The following ACMSD variants were observed in gnomAD, a reference collection of about 807,000 sequenced individuals.
The protein encoded by ACMSD is 2-amino-3-carboxymuconate-6-semialdehyde decarboxylase.
In ACMSD, 37 loss-of-function variants were observed where a neutral mutation model predicts 45.9. The observed-to-expected ratio is 0.81, with a 90% CI of 0.62 to 1.06. ACMSD has a LOEUF of 1.06. ACMSD is among the 50% of genes least tolerant of loss of function. The pLI, the probability that ACMSD is intolerant of heterozygous loss-of-function variation, is 0.00. For missense variants in ACMSD, 434 were observed against 420.9 expected (o/e 1.03, Z -0.27); for synonymous variants, 138 against 148.8 (o/e 0.93, Z 0.53).
intron 2 of ACMSD, among the ~76,000 whole-genome samples, chr2:134,854,811 AT>A (rs201662122): frequency 0.22 from 33,979 of 152,066 alleles, 3,972 homozygotes; most frequent in South Asian, 0.37. Context: ...AATGATCCAC[AT>A]TTTACAGACA....
intron 8 of ACMSD, chr2:134,873,147 G>A (rs1324579124): frequency 6.2e-6 from 1 of 161,488 alleles, no homozygotes; most frequent in Non-Finnish European, 1.4e-5. Context: ...CAGGGAGTCA[G>A]GGGAAGATGA....
At position 134,879,800 on chromosome 2, in the gene ACMSD, T is replaced by A. The variant is rs150828597; in HGVS notation, c.849+7159T>A. On this transcript the variant is annotated intron_variant, in intron 8 of 9. Coordinates refer to ENST00000356140, the MANE Select transcript of ACMSD (RefSeq NM_138326.3). ...CTAACACTAGTCCATTAATTCTGTG[T>A]TCTTAAAGAAATATCTTCAGGAGCC... Among the ~76,000 whole-genome samples the A allele has an allele frequency of 3.2e-4, 48 of 152,330 alleles. No homozygotes were observed. In the East Asian group the frequency reaches 9.1e-3, roughly 29 times the overall value.
chr2:134,864,131 C>T (rs1024783689), intron 5 of ACMSD, among the ~76,000 whole-genome samples: 1 of 151,740 alleles, frequency 6.6e-6, no homozygotes, highest in Non-Finnish European at 1.5e-5. Flanking sequence ...ATTAGCCAGG[C>T]GTAGTGCCAC....
intron 2 of ACMSD, among the ~76,000 whole-genome samples, chr2:134,849,057 G>A (rs1037283905): frequency 1.3e-5 from 2 of 152,068 alleles, no homozygotes; most frequent in Non-Finnish European, 2.9e-5. Context: ...TGGAGCTGAC[G>A]GCAAAGCAGC....
chr2:134,870,021 G>T (rs1688347167), intron 6 of ACMSD, among the ~76,000 whole-genome samples: 1 of 152,236 alleles, frequency 6.6e-6, no homozygotes, highest in South Asian at 2.1e-4. Flanking sequence ...CCAGGCAGCT[G>T]GGTGCCAGGG....
intron 2 of ACMSD, among the ~76,000 whole-genome samples, chr2:134,849,662 A>G (rs754541389): frequency 6.6e-5 from 10 of 152,166 alleles, no homozygotes; most frequent in Non-Finnish European, 8.8e-5. Flanking sequence ...TTGGTTTTTC[A>G]GTGTTCCCCA....
intron 8 of ACMSD, among the ~76,000 whole-genome samples, chr2:134,885,237 T>C (rs1164788828): frequency 2.5e-5 from 3 of 119,842 alleles, no homozygotes; most frequent in African/African-American, 1.0e-4. Flanking sequence ...AATACATATG[T>C]AAATATATAT....
intron 1 of ACMSD, 52 bp downstream of exon 1, chr2:134,838,791 C>T: frequency 7.2e-7 from 1 of 1,387,634 alleles, no homozygotes; most frequent in African/African-American, 1.4e-5. Context: ...CAGGGTTTCT[C>T]AATGCCTTTC....
chr2:134,853,348 G>A (rs1453379683), intron 2 of ACMSD, among the ~76,000 whole-genome samples: 5 of 151,884 alleles, frequency 3.3e-5, no homozygotes, highest in Non-Finnish European at 4.4e-5. Flanking sequence ...ATGAAGTTCT[G>A]GCTTTAAAAA....
chr2:134,893,010 T>G (rs116452514), intron 8 of ACMSD, among the ~76,000 whole-genome samples: 226 of 152,238 alleles, frequency 1.5e-3, no homozygotes, highest in African/African-American at 5.0e-3. Flanking sequence ...AGTAAGTAGT[T>G]AACACTTAGA....
chr2:134,887,509 T>C (rs909969897), intron 8 of ACMSD, among the ~76,000 whole-genome samples: 4 of 152,200 alleles, frequency 2.6e-5, no homozygotes, highest in Non-Finnish European at 4.4e-5. Flanking sequence ...GTTCAAGTGA[T>C]TCTCCTGCCT....
chr2:134,873,711 T>C (rs1391893426), intron 8 of ACMSD: 1 of 152,222 alleles, frequency 6.6e-6, no homozygotes, highest in Non-Finnish European at 1.5e-5. Flanking sequence ...TAATCAATTA[T>C]GTGGTTGAGC....
rs1359355515 is a variant in ACMSD at position 134,840,184 on chromosome 2, AAAAAAAAAAC to A, written c.57+1446_57+1455del. Among the ~76,000 whole-genome samples, 496 of 143,810 alleles carry A rather than the reference AAAAAAAAAAC, an allele frequency of 3.4e-3. 37 individuals carry two copies. The highest frequency in any genetic ancestry group is 0.012 in the African/African-American group (452 of 37,758). The allele number at this position is 143,810 out of a possible 152,430, so 94.3% of individuals were successfully genotyped here. Reference sequence around the variant, plus strand: ...ATACCTAGCAAAAAAAAAAAAAAAAAAAAAAAAAACCACTAATTCCTCTGTTACAGCTTTT... The same window carrying A: ...ATACCTAGCAAAAAAAAAAAAAAAAACACTAATTCCTCTGTTACAGCTTTT... On this transcript the variant is annotated intron_variant, in intron 1 of 9. Coordinates refer to ENST00000356140, the MANE Select transcript of ACMSD (RefSeq NM_138326.3).
chr2:134,895,677 A>G (rs1264655662), intron 8 of ACMSD, among the ~76,000 whole-genome samples: 1 of 152,206 alleles, frequency 6.6e-6, no homozygotes, highest in African/African-American at 2.4e-5. Context: ...CCTGGCCAAC[A>G]TGGCAAAACC....
chr2:134,840,258 C>T (rs1164635569), intron 1 of ACMSD, among the ~76,000 whole-genome samples: 1 of 142,104 alleles, frequency 7.0e-6, no homozygotes, highest in South Asian at 2.4e-4. Flanking sequence ...ACATGAAATG[C>T]TTTGGAAACC....
intron 6 of ACMSD, among the ~76,000 whole-genome samples, chr2:134,868,542 T>A (rs1688249446): frequency 7.0e-6 from 1 of 142,566 alleles, no homozygotes; most frequent in Non-Finnish European, 1.5e-5. Context: ...AAACTCCACC[T>A]CCCAGGTTCA....
intron 8 of ACMSD, among the ~76,000 whole-genome samples, chr2:134,880,200 C>G (rs1688959276): frequency 2.6e-5 from 4 of 152,118 alleles, no homozygotes; most frequent in Admixed American, 2.6e-4. Context: ...TTGGGTAATG[C>G]AATGACATCC....
At chr2:134,847,793 C>CT (rs751805694) in intron 2 of ACMSD, among the ~76,000 whole-genome samples, 52 of 151,972 alleles carry the variant, frequency 3.4e-4, no homozygotes, top group Non-Finnish European at 1.5e-4. Flanking sequence ...TGAACTCATC[C>CT]TTTTTTATGG....
intron 2 of ACMSD, among the ~76,000 whole-genome samples, chr2:134,852,273 TG>T: frequency 6.6e-6 from 1 of 152,000 alleles, no homozygotes; most frequent in South Asian, 2.1e-4. Context: ...AGATCTGAGA[TG>T]GGGATTTGTA....
Sources: allele counts gnomAD v4.1 joint callset (sites outside exome capture counted in the v4.1 genomes callset), GRCh38; gene constraint gnomAD v4.1.1; transcripts MANE v1.5; gene names NCBI Gene and HGNC (gene_info 2026-07-23, HGNC 2026-07-21).